The following PALM2AKAP2 variants were observed in gnomAD, a reference collection of about 807,000 sequenced individuals.
PALM2AKAP2 encodes PALM2-AKAP2 fusion protein.
PALM2AKAP2 carries 37 observed loss-of-function variants against 71.5 expected under a neutral mutation model. The ratio of observed to expected loss-of-function variants is 0.52; its 90% CI spans 0.40 to 0.68. The LOEUF is 0.68. Among genes scored for constraint, PALM2AKAP2 ranks in the 30% least tolerant of loss-of-function variants. The probability of loss-of-function intolerance (pLI) is 0.00; values close to 1 mark genes in which losing one functional copy is unlikely to be tolerated. For missense variants in PALM2AKAP2, 1,224 were observed against 1,191.8 expected, an observed-to-expected ratio of 1.03 and a Z score of -0.40; for synonymous variants, 468 against 478.8, an observed-to-expected ratio of 0.98 and a Z score of 0.29.
chr9:109,841,204 A>G (rs961336904), intron 1 of PALM2AKAP2, among the ~76,000 whole-genome samples: 22 of 151,974 alleles, frequency 1.4e-4, no homozygotes, highest in African/African-American at 4.8e-4. Context: ...GGATGAGTTC[A>G]TGTCCTTTTT....
At chr9:109,775,432 T>C (rs1829334681), upstream of PALM2AKAP2, among the ~76,000 whole-genome samples, 2 of 152,224 alleles carry the variant, frequency 1.3e-5, no homozygotes, top group South Asian at 2.1e-4. Context: ...GAATCTATCA[T>C]TTGGATCCCA....
chr9:109,723,413 T>C lies in PALM2AKAP2; in HGVS notation c.6-57075T>C, dbSNP rs143191796. On this transcript the variant is annotated intron_variant, in intron 1 of 6. Coordinates refer to the PALM2AKAP2 transcript ENST00000374531. ...ACCAAATATTTAATGAACACCACCA[T>C]GCTACCATGTTACCAGGTAGCAAAA... Among the ~76,000 whole-genome samples the C allele has an allele frequency of 2.2e-3, 341 of 152,336 alleles. 1 individual carries two copies. Among genetic ancestry groups the C allele is most frequent in the African/African-American group, 7.8e-3 (323 of 41,596 alleles).
chr9:109,933,004 A>G (rs1200373327), intron 6 of PALM2AKAP2, among the ~76,000 whole-genome samples: 1 of 152,272 alleles, frequency 6.6e-6, no homozygotes, highest in Non-Finnish European at 1.5e-5. Flanking sequence ...AAAGTAAAAT[A>G]AAAGGCAAGT....
At chr9:110,038,017 C>T (rs1833443462) in intron 7 of PALM2AKAP2, among the ~76,000 whole-genome samples, 2 of 152,114 alleles carry the variant, frequency 1.3e-5, no homozygotes. Flanking sequence ...AAAATGAGAA[C>T]GAACCTTAAA....
chr9:110,161,325 T>C (rs571331861), intron 3 of PALM2AKAP2, among the ~76,000 whole-genome samples: 285 of 152,368 alleles, frequency 1.9e-3, no homozygotes, highest in African/African-American at 6.4e-3. Flanking sequence ...AGTGTAAATG[T>C]ACGCTCATTA....
At chr9:109,715,964 G>C (rs1828313815) in intron 1 of PALM2AKAP2, among the ~76,000 whole-genome samples, 1 of 152,138 alleles carries the variant, frequency 6.6e-6, no homozygotes, top group South Asian at 2.1e-4. Context: ...GGTCTTTTCT[G>C]CCAGATTGAC....
chr9:109,782,718 C>A (rs183767184), intron 1 of PALM2AKAP2, among the ~76,000 whole-genome samples: 7 of 150,486 alleles, frequency 4.7e-5, no homozygotes, highest in African/African-American at 1.5e-4. Context: ...GTTGTCAGGA[C>A]AGATTTGCTA....
intron 6 of PALM2AKAP2, among the ~76,000 whole-genome samples, chr9:109,975,830 C>T (rs1303747831): frequency 6.6e-6 from 1 of 152,216 alleles, no homozygotes; most frequent in Non-Finnish European, 1.5e-5. Flanking sequence ...TGAAGAGCTA[C>T]ACATTGCTGG....
At chr9:109,738,801 T>G (rs1828675699) in intron 1 of PALM2AKAP2, among the ~76,000 whole-genome samples, 1 of 152,232 alleles carries the variant, frequency 6.6e-6, no homozygotes, top group African/African-American at 2.4e-5. Flanking sequence ...GGATTTGAAT[T>G]TTGGCATCTT....
At chr9:109,813,235 T>C (rs909484994) in intron 1 of PALM2AKAP2, among the ~76,000 whole-genome samples, 1 of 152,216 alleles carries the variant, frequency 6.6e-6, no homozygotes, top group African/African-American at 2.4e-5. Context: ...AAAACCACTG[T>C]GTGGCTGCTG....
chr9:109,843,144 A>AAAAAAC, intron 1 of PALM2AKAP2, among the ~76,000 whole-genome samples: 1 of 148,550 alleles, frequency 6.7e-6, no homozygotes, highest in South Asian at 2.2e-4. Flanking sequence ...CGGTCTCAAA[A>AAAAAAC]AAAAAAAAAA....
At chr9:109,803,193 A>C (rs1827480633) in intron 1 of PALM2AKAP2, among the ~76,000 whole-genome samples, 1 of 152,266 alleles carries the variant, frequency 6.6e-6, no homozygotes, top group Non-Finnish European at 1.5e-5. Context: ...GAGAGGAAAC[A>C]CAATAGCATA....
chr9:109,983,976 T>A (rs1297516993), intron 6 of PALM2AKAP2, among the ~76,000 whole-genome samples: 2 of 152,146 alleles, frequency 1.3e-5, no homozygotes, highest in Non-Finnish European at 2.9e-5. Context: ...ATTGAATAAA[T>A]CATCATAATT....
At chr9:109,740,073 G>C (rs1418910155) in intron 1 of PALM2AKAP2, among the ~76,000 whole-genome samples, 1 of 152,184 alleles carries the variant, frequency 6.6e-6, no homozygotes, top group African/African-American at 2.4e-5. Flanking sequence ...CAATTTGAGG[G>C]AGAAGTCCAA....
intron 6 of PALM2AKAP2, among the ~76,000 whole-genome samples, chr9:109,975,261 A>C (rs1476988072): frequency 6.6e-6 from 1 of 152,234 alleles, no homozygotes; most frequent in Non-Finnish European, 1.5e-5. Context: ...CCAACCCAGA[A>C]GGCCAGAAAC....
intron 3 of PALM2AKAP2, among the ~76,000 whole-genome samples, chr9:109,895,132 T>G (rs949278426): frequency 6.6e-6 from 1 of 152,232 alleles, no homozygotes. Flanking sequence ...AAAGCCACCA[T>G]TCTTTTCCTG....
intron 6 of PALM2AKAP2, among the ~76,000 whole-genome samples, chr9:110,001,967 C>T (rs1395405492): frequency 6.6e-6 from 1 of 152,300 alleles, no homozygotes; most frequent in Admixed American, 6.5e-5. Context: ...CAAACAGGGA[C>T]AATTTGACTT....
At chr9:109,787,181 A>G (rs1564148401) in intron 1 of PALM2AKAP2, among the ~76,000 whole-genome samples, 1 of 152,162 alleles carries the variant, frequency 6.6e-6, no homozygotes, top group Non-Finnish European at 1.5e-5. Context: ...GTATGATGTC[A>G]CTGTACCTTG....
At chr9:109,851,321 G>C (rs568116536) in intron 1 of PALM2AKAP2, among the ~76,000 whole-genome samples, 2 of 152,256 alleles carry the variant, frequency 1.3e-5, no homozygotes, top group African/African-American at 4.8e-5. Flanking sequence ...TGATCCTCAG[G>C]TGATCTTAAT....
Sources: gnomAD v4.1 joint callset for allele counts (sites outside exome capture counted in the v4.1 genomes callset) on GRCh38, gnomAD v4.1.1 for gene constraint, MANE v1.5 for transcripts, NCBI Gene and HGNC (gene_info 2026-07-23, HGNC 2026-07-21) for gene names.